The following AUH variants were observed in gnomAD, a reference collection of about 807,000 sequenced individuals.
AUH encodes methylglutaconyl-CoA hydratase, mitochondrial.
A neutral mutation model predicts 42.3 loss-of-function variants in AUH; 29 were observed. That is an observed-to-expected ratio of 0.69 (90% CI 0.51 to 0.93). The LOEUF (loss-of-function observed/expected upper bound fraction) is 0.93, where lower values mean the gene tolerates loss of function less well. Ranked by LOEUF, AUH falls within the 40% of genes least tolerant of loss-of-function variation. The probability of loss-of-function intolerance (pLI) is 0.00; values close to 1 mark genes in which losing one functional copy is unlikely to be tolerated. For missense variants in AUH, 452 were observed against 438.1 expected, an observed-to-expected ratio of 1.03 and a Z score of -0.28; for synonymous variants, 174 against 166.4, an observed-to-expected ratio of 1.05 and a Z score of -0.35.
chr9:91,344,511 A>G (rs1831340447), intron 3 of AUH, among the ~76,000 whole-genome samples: 1 of 152,212 alleles, frequency 6.6e-6, no homozygotes, highest in African/African-American at 2.4e-5. Context: ...ATCTCTTCGA[A>G]TATGTTACAG....
intron 3 of AUH, among the ~76,000 whole-genome samples, chr9:91,332,352 A>G (rs2131907999): frequency 6.6e-6 from 1 of 152,268 alleles, no homozygotes; most frequent in South Asian, 2.1e-4. Context: ...AAACACAAAA[A>G]TTAGCCAGGA....
At chr9:91,339,613 T>A (rs1264900572) in intron 3 of AUH, among the ~76,000 whole-genome samples, 1 of 152,182 alleles carries the variant, frequency 6.6e-6, no homozygotes, top group East Asian at 1.9e-4. Context: ...ATTTCTTAGG[T>A]CTGTCTTGAG....
At chr9:91,234,675 C>T (rs1014054011) in intron 6 of AUH, among the ~76,000 whole-genome samples, 1 of 151,248 alleles carries the variant, frequency 6.6e-6, no homozygotes, top group African/African-American at 2.4e-5. Flanking sequence ...CTAACAAGTG[C>T]CAGGCACTGT....
At chr9:91,231,904 C>A (rs941215334) in intron 6 of AUH, among the ~76,000 whole-genome samples, 15 of 152,152 alleles carry the variant, frequency 9.9e-5, no homozygotes, top group African/African-American at 3.6e-4. Context: ...TGAAGATAAG[C>A]TGAAAATTAC....
intron 4 of AUH, among the ~76,000 whole-genome samples, chr9:91,305,557 T>C (rs141788093): frequency 1.3e-5 from 2 of 152,332 alleles, no homozygotes; most frequent in Non-Finnish European, 2.9e-5. Context: ...CTGTTACCAC[T>C]GTGAGCCCTG....
chr9:91,312,033 AAAG>A (rs893853162), intron 4 of AUH, among the ~76,000 whole-genome samples: 3 of 152,096 alleles, frequency 2.0e-5, no homozygotes, highest in South Asian at 4.1e-4. Context: ...TTAAAGAACA[AAAG>A]AACTCAATTT....
intron 6 of AUH, among the ~76,000 whole-genome samples, chr9:91,293,727 C>G (rs2131632496): frequency 6.6e-6 from 1 of 152,318 alleles, no homozygotes; most frequent in East Asian, 1.9e-4. Flanking sequence ...TCCAGAAGAT[C>G]TAGCTAAGAT....
chr9:91,361,601 C>T (rs1385469153), intron 1 of AUH, 27 bp downstream of exon 1: 4 of 1,566,830 alleles, frequency 2.6e-6, no homozygotes, highest in South Asian at 1.2e-5. Flanking sequence ...CCCGCTGCCC[C>T]GCGCCTGCCC....
At chr9:91,225,348 T>C (rs527259743) in intron 6 of AUH, among the ~76,000 whole-genome samples, 1 of 152,344 alleles carries the variant, frequency 6.6e-6, no homozygotes, top group Admixed American at 6.5e-5. Context: ...AAAAAATTAC[T>C]TCAGTTCACC....
At chr9:91,262,469 G>C (rs1307570586) in intron 6 of AUH, among the ~76,000 whole-genome samples, 1 of 152,096 alleles carries the variant, frequency 6.6e-6, no homozygotes, top group East Asian at 1.9e-4. Context: ...CACTGAACAT[G>C]AACATGGCCC....
At chr9:91,361,484 G>C in intron 1 of AUH, 144 bp downstream of exon 1, 1 of 1,135,418 alleles carries the variant, frequency 8.8e-7, no homozygotes, top group Non-Finnish European at 1.2e-6. Context: ...GGTGAGTAGG[G>C]AGGTGAGAAA....
chr9:91,283,312 CA>C (rs543110495), intron 6 of AUH, among the ~76,000 whole-genome samples: 2,121 of 152,236 alleles, frequency 0.014, 52 homozygotes, highest in African/African-American at 0.047. Context: ...GGACGTATCT[CA>C]AAATAATAAG....
chr9:91,255,325 A>T (rs1829352858), intron 6 of AUH, among the ~76,000 whole-genome samples: 1 of 152,252 alleles, frequency 6.6e-6, no homozygotes, highest in African/African-American at 2.4e-5. Context: ...TAAGATTTTT[A>T]AAAATTGTAA....
chr9:91,304,906 T>C (rs1473352992), intron 4 of AUH, among the ~76,000 whole-genome samples: 2 of 152,212 alleles, frequency 1.3e-5, no homozygotes, highest in African/African-American at 2.4e-5. Context: ...TATAGTAGTC[T>C]CCACTTACGT....
At chr9:91,259,446 A>AT (rs1829590152) in intron 6 of AUH, among the ~76,000 whole-genome samples, 4 of 151,000 alleles carry the variant, frequency 2.6e-5, no homozygotes. Flanking sequence ...TTTTTTAAAC[A>AT]TTTTCAAAGA....
At chr9:91,314,375 C>T (rs969413471) in intron 4 of AUH, among the ~76,000 whole-genome samples, 3 of 150,984 alleles carry the variant, frequency 2.0e-5, no homozygotes, top group South Asian at 2.1e-4. Flanking sequence ...CCCTGCTACT[C>T]GGGAGGCTGA....
At chr9:91,298,467 C>CT (rs1215159052) in intron 4 of AUH, among the ~76,000 whole-genome samples, 6 of 152,126 alleles carry the variant, frequency 3.9e-5, no homozygotes, top group African/African-American at 1.4e-4. Context: ...ATTTATGATC[C>CT]TTTATGGGCT....
chr9:91,216,197 CA>C, intron 8 of AUH, 91 bp from the exon 9 acceptor site: 1 of 1,228,482 alleles, frequency 8.1e-7, no homozygotes. Flanking sequence ...ACCTTATCCC[CA>C]AAGCACCCAA....
intron 6 of AUH, among the ~76,000 whole-genome samples, chr9:91,260,240 T>C (rs1245101825): frequency 6.6e-6 from 1 of 152,160 alleles, no homozygotes; most frequent in Non-Finnish European, 1.5e-5. Context: ...TTAAAGTGTG[T>C]CTTTTATAAA....
Sources: gnomAD v4.1 joint callset for allele counts (sites outside exome capture counted in the v4.1 genomes callset) on GRCh38, gnomAD v4.1.1 for gene constraint, MANE v1.5 for transcripts, NCBI Gene and HGNC (gene_info 2026-07-23, HGNC 2026-07-21) for gene names.